Variants in COLEC11 observed in about 807,000 individuals in gnomAD.
COLEC11 encodes the protein collectin-11.
A neutral mutation model predicts 27.3 loss-of-function variants in COLEC11; 20 were observed. The ratio of observed to expected loss-of-function variants is 0.73; its 90% confidence interval spans 0.51 to 1.06. The LOEUF (loss-of-function observed/expected upper bound fraction) is 1.06. Ranked by LOEUF, COLEC11 falls within the 50% of genes least tolerant of loss-of-function variation. The probability of loss-of-function intolerance (pLI) is 0.00; values close to 1 mark genes in which losing one functional copy is unlikely to be tolerated. For missense variants in COLEC11, 310 were observed against 383.0 expected (o/e 0.81, Z 1.59); for synonymous variants, 163 against 154.7 (o/e 1.05, Z -0.40).
At chr2:3,634,926 A>G (rs1665274114) in intron 3 of COLEC11, among the ~76,000 whole-genome samples, 1 of 151,350 alleles carries the variant, frequency 6.6e-6, no homozygotes, top group Non-Finnish European at 1.5e-5. Context: ...CCCCAGCGAT[A>G]GTGCCTCTCA....
chr2:3,606,573 A>G (rs1410301807), intron 2 of COLEC11, among the ~76,000 whole-genome samples: 3 of 152,174 alleles, frequency 2.0e-5, no homozygotes, highest in African/African-American at 7.2e-5. Flanking sequence ...GTGGGCACAC[A>G]GTGACCGGGG....
At chr2:3,618,291 T>C (rs557968086) in intron 3 of COLEC11, among the ~76,000 whole-genome samples, 50 of 152,386 alleles carry the variant, frequency 3.3e-4, no homozygotes, top group African/African-American at 1.1e-3. Context: ...CAAGGAACTT[T>C]TCCCTTACAT....
chr2:3,640,148 G>A (rs1000668677), intron 4 of COLEC11, 130 bp from the exon 5 acceptor site: 10 of 711,926 alleles, frequency 1.4e-5, no homozygotes, highest in African/African-American at 1.0e-4. Context: ...ATGGGGCTCC[G>A]GTACTTTGTA....
intron 3 of COLEC11, among the ~76,000 whole-genome samples, chr2:3,623,951 C>CT (rs1009900848): frequency 1.3e-5 from 2 of 152,098 alleles, no homozygotes; most frequent in South Asian, 2.1e-4. Flanking sequence ...TCTTTATGGA[C>CT]TTTTTTTGGG....
intron 3 of COLEC11, among the ~76,000 whole-genome samples, chr2:3,616,772 G>A (rs534804648): frequency 4.1e-4 from 62 of 150,264 alleles, no homozygotes; most frequent in African/African-American, 1.5e-3. Flanking sequence ...GAGGGAGACC[G>A]TGGGGAGAGG....
intron 2 of COLEC11, among the ~76,000 whole-genome samples, chr2:3,609,079 T>TGAAATGCGCCTGGCC (rs1238151577): frequency 6.6e-6 from 1 of 152,232 alleles, no homozygotes; most frequent in Non-Finnish European, 1.5e-5. Context: ...CAGCACTGGC[T>TGAAATGCGCCTGGCC]GAAATGCGCC....
intron 3 of COLEC11, among the ~76,000 whole-genome samples, chr2:3,632,067 G>A (rs769983433): frequency 4.6e-5 from 7 of 152,326 alleles, no homozygotes; most frequent in South Asian, 2.1e-4. Flanking sequence ...GTGTGCGCTC[G>A]CGCTCCTGCT....
chr2:3,606,048 C>G, intron 2 of COLEC11: 1 of 1,546,142 alleles, frequency 6.5e-7, no homozygotes, highest in Non-Finnish European at 8.7e-7. Context: ...GCCTACGGCT[C>G]TCTCAGAAGT....
chr2:3,633,130 C>T (rs1261511055), intron 3 of COLEC11, among the ~76,000 whole-genome samples: 2 of 152,236 alleles, frequency 1.3e-5, no homozygotes, highest in African/African-American at 4.8e-5. Flanking sequence ...ACTTTCCCGT[C>T]TTCCCACCCA....
chr2:3,631,647 T>C (rs1178328401), intron 3 of COLEC11, among the ~76,000 whole-genome samples: 1 of 151,746 alleles, frequency 6.6e-6, no homozygotes, highest in African/African-American at 2.4e-5. Flanking sequence ...CCGGGTATGC[T>C]TGGTCACGGC....
chr2:3,603,976 C>T (rs1237201316), intron 1 of COLEC11: 7 of 564,868 alleles, frequency 1.2e-5, no homozygotes, highest in East Asian at 2.9e-5. Context: ...GCTGGCTATG[C>T]TGTGTGGAGA....
chr2:3,595,460 C>G (rs1661782223), intron 1 of COLEC11, among the ~76,000 whole-genome samples: 1 of 152,248 alleles, frequency 6.6e-6, no homozygotes, highest in Non-Finnish European at 1.5e-5. Context: ...AGATTTCAAA[C>G]AGCCCAAGGC....
At chr2:3,604,991 G>A (rs758874682) in intron 2 of COLEC11, 4 of 456,096 alleles carry the variant, frequency 8.8e-6, no homozygotes, top group African/African-American at 2.1e-5. Flanking sequence ...TGCTTTGTCT[G>A]TAATCTGCTC....
chr2:3,637,400 GTCTT>G (rs1665503266), intron 3 of COLEC11, 129 bp from the exon 4 acceptor site: 5 of 740,432 alleles, frequency 6.8e-6, no homozygotes, highest in Admixed American at 3.9e-5. Context: ...ATGTAGAGCT[GTCTT>G]TCTTAGTCTC....
At chr2:3,596,277 G>A (rs1661829380) in intron 1 of COLEC11, among the ~76,000 whole-genome samples, 1 of 151,764 alleles carries the variant, frequency 6.6e-6, no homozygotes, top group South Asian at 2.1e-4. Flanking sequence ...GATACTTAAT[G>A]AAAAAGTAGA....
chr2:3,601,482 T>C (rs933889307), intron 1 of COLEC11, among the ~76,000 whole-genome samples: 1 of 152,118 alleles, frequency 6.6e-6, no homozygotes, highest in African/African-American at 2.4e-5. Flanking sequence ...TTTGTAGAGA[T>C]GGGGTTTAGC....
At chr2:3,641,461 A>G in intron 5 of COLEC11, 1 of 1,257,396 alleles carries the variant, frequency 8.0e-7, no homozygotes, top group Non-Finnish European at 1.0e-6. Flanking sequence ...AGGAGAGGGG[A>G]CGTCCCATCC....
At chr2:3,624,572 T>C (rs1249907350) in intron 3 of COLEC11, among the ~76,000 whole-genome samples, 3 of 152,212 alleles carry the variant, frequency 2.0e-5, no homozygotes, top group Admixed American at 1.3e-4. Flanking sequence ...GGAAAAAACA[T>C]GGGCCAAGGG....
intron 2 of COLEC11, among the ~76,000 whole-genome samples, chr2:3,608,522 C>T (rs1662917203): frequency 6.6e-6 from 1 of 152,164 alleles, no homozygotes; most frequent in Non-Finnish European, 1.5e-5. Flanking sequence ...ACAATGAACA[C>T]TTCAAACCTT....
Sources: gnomAD v4.1 joint callset for allele counts (sites outside exome capture counted in the v4.1 genomes callset) on GRCh38, gnomAD v4.1.1 for gene constraint, MANE v1.5 for transcripts, NCBI Gene and HGNC (gene_info 2026-07-23, HGNC 2026-07-21) for gene names.